LRRTM4: variants seen among roughly 807,000 people sequenced by gnomAD.
LRRTM4 encodes leucine-rich repeat transmembrane neuronal protein 4.
LRRTM4 carries 25 observed loss-of-function variants against 47.6 expected under a neutral mutation model. The ratio of observed to expected loss-of-function variants is 0.53; its 90% CI spans 0.38 to 0.73. LRRTM4 has a LOEUF of 0.73. Ranked by LOEUF, LRRTM4 falls within the 30% of genes least tolerant of loss-of-function variation. The pLI, the probability that LRRTM4 is intolerant of heterozygous loss-of-function variation, is 0.00. For synonymous variants in LRRTM4, 311 were observed against 269.5 expected (o/e 1.15, Z -1.51); for missense variants, 638 against 713.4 (o/e 0.89, Z 1.20).
intron 3 of LRRTM4, among the ~76,000 whole-genome samples, chr2:77,212,865 T>C (rs1674334015): frequency 6.6e-6 from 1 of 152,118 alleles, no homozygotes; most frequent in Admixed American, 6.6e-5. Context: ...ACTTAGTTCT[T>C]GAAACTAAGG....
At chr2:77,286,974 G>A (rs571622497) in intron 3 of LRRTM4, among the ~76,000 whole-genome samples, 10 of 152,112 alleles carry the variant, frequency 6.6e-5, no homozygotes, top group African/African-American at 2.2e-4. Flanking sequence ...GTCTGGGAGA[G>A]TACAATTGCT....
intron 3 of LRRTM4, among the ~76,000 whole-genome samples, chr2:76,776,492 A>T (rs996043105): frequency 6.6e-6 from 1 of 151,912 alleles, no homozygotes; most frequent in Non-Finnish European, 1.5e-5. Flanking sequence ...TTTGATTTGC[A>T]TTTCTCTGAT....
At chr2:77,005,351 G>A (rs980677447) in intron 3 of LRRTM4, among the ~76,000 whole-genome samples, 2 of 152,108 alleles carry the variant, frequency 1.3e-5, no homozygotes, top group African/African-American at 4.8e-5. Context: ...CACCATCTTG[G>A]TCAGGCTGGT....
intron 3 of LRRTM4, among the ~76,000 whole-genome samples, chr2:76,755,789 C>A (rs1283064524): frequency 6.6e-6 from 1 of 152,126 alleles, no homozygotes; most frequent in African/African-American, 2.4e-5. Flanking sequence ...AAGGGCATAT[C>A]TGAACCCAGA....
At chr2:77,506,565 A>G (rs1467227872) in intron 3 of LRRTM4, among the ~76,000 whole-genome samples, 1 of 151,882 alleles carries the variant, frequency 6.6e-6, no homozygotes. Flanking sequence ...AAATTGCTAA[A>G]AAAGAGATAA....
At chr2:76,987,576 G>C (rs1354003004) in intron 3 of LRRTM4, 1 of 151,868 alleles carries the variant, frequency 6.6e-6, no homozygotes, top group Non-Finnish European at 1.5e-5. Context: ...TCTAAGTAAT[G>C]ATGTGGTAAC....
intron 3 of LRRTM4, among the ~76,000 whole-genome samples, chr2:76,846,111 G>T (rs1367385640): frequency 1.3e-5 from 2 of 152,130 alleles, no homozygotes; most frequent in African/African-American, 4.8e-5. Context: ...AGATTGGAGT[G>T]TATGTGGGGG....
At chr2:77,212,997 T>A (rs1208785891) in intron 3 of LRRTM4, among the ~76,000 whole-genome samples, 1 of 152,082 alleles carries the variant, frequency 6.6e-6, no homozygotes, top group East Asian at 1.9e-4. Context: ...ATATACTCTT[T>A]GAAGATTTTT....
At chr2:77,372,706 A>G (rs1672695175) in intron 3 of LRRTM4, among the ~76,000 whole-genome samples, 1 of 151,784 alleles carries the variant, frequency 6.6e-6, no homozygotes, top group Non-Finnish European at 1.5e-5. Flanking sequence ...CATGGAAAAT[A>G]TACTGTTGTA....
intron 3 of LRRTM4, among the ~76,000 whole-genome samples, chr2:77,238,330 T>C (rs1488130527): frequency 6.6e-6 from 1 of 152,122 alleles, no homozygotes; most frequent in Non-Finnish European, 1.5e-5. Context: ...TCATTGGCAG[T>C]GTCTTAACTT....
intron 3 of LRRTM4, among the ~76,000 whole-genome samples, chr2:77,489,026 T>A (rs1678035355): frequency 1.3e-5 from 2 of 150,908 alleles, no homozygotes; most frequent in African/African-American, 4.9e-5. Flanking sequence ...AGAGACTACC[T>A]ATGAAAAAAA....
chr2:76,786,652 G>A (rs890655560), intron 3 of LRRTM4, among the ~76,000 whole-genome samples: 1 of 152,008 alleles, frequency 6.6e-6, no homozygotes, highest in Non-Finnish European at 1.5e-5. Flanking sequence ...TCTGTGGGAG[G>A]TACAGATGCA....
At chr2:77,004,292 AGGG>A (rs1169284167) in intron 3 of LRRTM4, among the ~76,000 whole-genome samples, 1 of 152,212 alleles carries the variant, frequency 6.6e-6, no homozygotes, top group Non-Finnish European at 1.5e-5. Flanking sequence ...GGCTGGGTCC[AGGG>A]ACCCCTGCTG....
intron 3 of LRRTM4, among the ~76,000 whole-genome samples, chr2:77,192,369 T>C (rs928833247): frequency 1.3e-5 from 2 of 152,038 alleles, no homozygotes; most frequent in Non-Finnish European, 2.9e-5. Context: ...AATGAGCAAT[T>C]ATATTATTGC....
At chr2:77,153,337 G>A (rs952526503) in intron 3 of LRRTM4, among the ~76,000 whole-genome samples, 1 of 152,094 alleles carries the variant, frequency 6.6e-6, no homozygotes, top group African/African-American at 2.4e-5. Flanking sequence ...ATACTCAAAG[G>A]CAAAGCTGCC....
intron 3 of LRRTM4, among the ~76,000 whole-genome samples, chr2:77,185,781 G>A (rs1673484755): frequency 6.6e-6 from 1 of 152,040 alleles, no homozygotes; most frequent in Non-Finnish European, 1.5e-5. Flanking sequence ...GCCATATTTA[G>A]GTTCATGAAA....
chr2:76,869,329 G>A (rs960408396), intron 3 of LRRTM4, among the ~76,000 whole-genome samples: 22 of 152,054 alleles, frequency 1.4e-4, no homozygotes, highest in African/African-American at 5.1e-4. Flanking sequence ...AAAATGTAAG[G>A]TAAGGCAGAA....
intron 3 of LRRTM4, among the ~76,000 whole-genome samples, chr2:76,932,895 G>T (rs1469421881): frequency 6.6e-6 from 1 of 152,036 alleles, no homozygotes; most frequent in Non-Finnish European, 1.5e-5. Context: ...TGCAGAACAT[G>T]CAGGTTTGTT....
chr2:76,923,581 C>T (rs6751097), intron 3 of LRRTM4, among the ~76,000 whole-genome samples: 53,998 of 151,772 alleles, frequency 0.36, 10,419 homozygotes, highest in East Asian at 0.72. Context: ...ATTTTAACAA[C>T]TATCAACACA....
Sources: allele counts gnomAD v4.1 joint callset (sites outside exome capture counted in the v4.1 genomes callset), GRCh38; gene constraint gnomAD v4.1.1; transcripts MANE v1.5; gene names NCBI Gene and HGNC (gene_info 2026-07-23, HGNC 2026-07-21).